The following KLHL13 variants were observed in gnomAD, a reference collection of about 807,000 sequenced individuals.
KLHL13 encodes kelch-like protein 13.
A neutral mutation model predicts 37.1 loss-of-function variants in KLHL13; 10 were observed. The ratio of observed to expected loss-of-function variants is 0.27; its 90% CI spans 0.17 to 0.46. The LOEUF (loss-of-function observed/expected upper bound fraction) is 0.46. Ranked by LOEUF, KLHL13 falls within the 20% of genes least tolerant of loss-of-function variation. KLHL13 has a pLI of 1.00. For synonymous variants in KLHL13, 163 were observed against 181.2 expected (o/e 0.90, Z 0.81); for missense variants, 360 against 509.3 (o/e 0.71, Z 2.82).
At chrX:117,979,870 T>C (rs1032725419) in intron 1 of KLHL13, among the ~76,000 whole-genome samples, 6 of 111,924 alleles carry the variant, frequency 5.4e-5, no homozygotes, top group South Asian at 3.7e-4. Context: ...CTCACCTGTT[T>C]AGTCATCTCT....
chrX:117,973,103 G>A, exon 1 of KLHL13: 1 of 988,726 alleles, frequency 1.0e-6, no homozygotes, highest in Non-Finnish European at 1.3e-6. Context: ...TATTTTTTTA[G>A]GACTGCACTG....
rs374447757 is a variant in KLHL13, at chrX:117,921,652, CTA to C, written c.241-1284_241-1283del. ...CATATTTTAATGACTTCAAATAAAA[CTA>C]TGTTTTGTTTCACAGATTTAAAGAG... On this transcript the variant is annotated intron_variant, in intron 2 of 6. Coordinates refer to ENST00000262820, the Ensembl canonical transcript of KLHL13. 1.5e-3 allele frequency among the ~76,000 whole-genome samples: 163 copies of C among 112,095 alleles called. 2 individuals carry two copies. Among genetic ancestry groups the C allele is most frequent in the African/African-American group, 5.1e-3 (159 of 30,915 alleles).
At chrX:117,964,432 G>A (rs977753924) in intron 1 of KLHL13, among the ~76,000 whole-genome samples, 1 of 111,929 alleles carries the variant, frequency 8.9e-6, no homozygotes, top group African/African-American at 3.2e-5. Context: ...AATTGCTTAT[G>A]AATGAAGATA....
chrX:118,003,156 A>T (rs1166836581), intron 1 of KLHL13, among the ~76,000 whole-genome samples: 1 of 112,547 alleles, frequency 8.9e-6, no homozygotes, highest in African/African-American at 3.2e-5. Flanking sequence ...TCATGTTCCT[A>T]ACCCTAAATA....
At chrX:117,995,795 G>A (rs1317610973) in intron 1 of KLHL13, among the ~76,000 whole-genome samples, 1 of 110,951 alleles carries the variant, frequency 9.0e-6, no homozygotes, top group African/African-American at 3.3e-5. Flanking sequence ...ATAATATTTT[G>A]GAGGCTCATC....
chrX:117,921,792 AT>A (rs2147702177), intron 2 of KLHL13, among the ~76,000 whole-genome samples: 1 of 112,482 alleles, frequency 8.9e-6, no homozygotes, highest in Admixed American at 9.4e-5. Context: ...TTTAAAGAAA[AT>A]GCTTGAATTA....
chrX:117,917,877 A>G (rs1931466039), intron 4 of KLHL13, among the ~76,000 whole-genome samples: 3 of 111,882 alleles, frequency 2.7e-5, no homozygotes, highest in Middle Eastern at 4.6e-3. Flanking sequence ...TTAAGAGTCT[A>G]TAAGTACAAG....
chrX:117,906,706 C>T lies in KLHL13; in HGVS notation c.1366+2595G>A, dbSNP rs188774775. Among the ~76,000 whole-genome samples the T allele has an allele frequency of 5.0e-4, 55 of 111,015 alleles. 1 individual carries two copies. Among genetic ancestry groups the T allele is most frequent in the African/African-American group, 1.7e-3 (52 of 30,602 alleles). On this transcript the variant is annotated intron_variant, in intron 5 of 6. Coordinates refer to ENST00000262820, the Ensembl canonical transcript of KLHL13. The stretch of plus-strand genomic sequence containing the variant: ...ATAATAAAATGTTTAGTACAGAATG[C>T]GTTTGATGGGTATGCTGATTTTAAG...
chrX:118,107,602 T>TTAATTATTAA (rs2055359665), intron 1 of KLHL13, among the ~76,000 whole-genome samples: 1 of 112,147 alleles, frequency 8.9e-6, no homozygotes, highest in African/African-American at 3.2e-5. Context: ...GCATTATTAA[T>TTAATTATTAA]TTAATCCTTA....
intron 1 of KLHL13, among the ~76,000 whole-genome samples, chrX:118,085,048 A>C (rs1339149750): frequency 9.1e-6 from 1 of 110,091 alleles, no homozygotes; most frequent in Non-Finnish European, 1.9e-5. Flanking sequence ...AATAATAATA[A>C]TGAGGTAACA....
rs1484880918 is a variant in KLHL13, at chrX:117,980,974, T to C, written c.-55-35399A>G. ...GACTTAGCAACCTGGTCAATACTTC[T>C]ATTTTCATGACTATTTCCAGATCCT... On this transcript the variant is annotated intron_variant, in intron 1 of 6. Coordinates refer to the KLHL13 transcript ENST00000371882. Among the ~76,000 whole-genome samples the C allele has an allele frequency of 2.7e-5, 3 of 112,035 alleles. No homozygotes were observed. The East Asian group carries it at 8.3e-4, about 31-fold the overall frequency.
intron 1 of KLHL13, among the ~76,000 whole-genome samples, chrX:118,003,185 T>C (rs2053944579): frequency 8.9e-6 from 1 of 112,197 alleles, no homozygotes; most frequent in Non-Finnish European, 1.9e-5. Flanking sequence ...TAGGTTACTG[T>C]GCAATAGGTT....
intron 5 of KLHL13, among the ~76,000 whole-genome samples, chrX:117,908,727 ACTAT>A (rs1288796840): frequency 1.7e-4 from 19 of 112,060 alleles, no homozygotes; most frequent in African/African-American, 6.1e-4. Context: ...GGAAAAGAAA[ACTAT>A]CTGATATTAC....
rs147011723 is a variant in KLHL13, at chrX:118,112,167, C to T, written c.-56+4341G>A. Among the ~76,000 whole-genome samples, 389 of 111,976 alleles carry T rather than the reference C, an allele frequency of 3.5e-3. 2 individuals carry two copies. The highest frequency in any genetic ancestry group is 0.012 in the African/African-American group (369 of 30,831). The stretch of plus-strand genomic sequence containing the variant: ...AGAAACCACTTCGGAACACCAAACA[C>T]GTGAAAAGTAAAACAGTATTAAATG... On this transcript the variant is annotated intron_variant, in intron 1 of 6. Coordinates refer to the KLHL13 transcript ENST00000371882.
At chrX:118,001,894 A>C (rs2053925612) in intron 1 of KLHL13, among the ~76,000 whole-genome samples, 1 of 106,555 alleles carries the variant, frequency 9.4e-6, no homozygotes, top group East Asian at 3.0e-4. Flanking sequence ...AAAAGCCTCC[A>C]GTAAATCATC....
At chrX:117,903,164 AGAGAGAGAGGAGAGC>A (rs1297169351) in intron 5 of KLHL13, among the ~76,000 whole-genome samples, 1 of 101,673 alleles carries the variant, frequency 9.8e-6, no homozygotes, top group Non-Finnish European at 2.0e-5. Context: ...ACACAGAGAG[AGAGAGAGAGGAGAGC>A]GAGAGAGAGA....
At chrX:118,083,631 G>A (rs1037427147) in intron 1 of KLHL13, among the ~76,000 whole-genome samples, 1 of 110,171 alleles carries the variant, frequency 9.1e-6, no homozygotes, top group African/African-American at 3.4e-5. Flanking sequence ...GTTACAGTTA[G>A]ATAGGAGGAA....
At chrX:118,085,471 CT>C (rs2055042935) in intron 1 of KLHL13, among the ~76,000 whole-genome samples, 1 of 109,814 alleles carries the variant, frequency 9.1e-6, no homozygotes, top group Non-Finnish European at 1.9e-5. Context: ...GTACAAGTGG[CT>C]TTTGGTTACA....
Position 117,993,459 on chromosome X carries a change from G to A in KLHL13, c.-55-47884C>T, listed in dbSNP as rs751532796. On this transcript the variant is annotated intron_variant, in intron 1 of 6. Transcript: ENST00000371882. ...ATCCTTACCAAAGCCTTATAATGCA[G>A]TTACTATTAACATCCCCATTTTACA... 5.4e-5 allele frequency among the ~76,000 whole-genome samples: 6 copies of A among 111,732 alleles called. No individual in the cohort carries two copies. In the East Asian group the frequency reaches 1.4e-3, roughly 26 times the overall value.
Sources: allele counts gnomAD v4.1 joint callset (sites outside exome capture counted in the v4.1 genomes callset), GRCh38; gene constraint gnomAD v4.1.1; transcripts MANE v1.5; gene names NCBI Gene and HGNC (gene_info 2026-07-23, HGNC 2026-07-21).